The following ZNF580 variants were observed in gnomAD, a reference collection of about 807,000 sequenced individuals.
ZNF580 encodes the protein zinc finger protein 580.
Under a neutral mutation model 1.3 loss-of-function variants are expected in ZNF580, and 1 was observed. The ratio of observed to expected loss-of-function variants is 0.77; its 90% CI spans 0.27 to 3.65. The LOEUF (loss-of-function observed/expected upper bound fraction) is 3.65. ZNF580 is among the 30% of genes most tolerant of loss of function. ZNF580 has a pLI of 0.19. For missense variants in ZNF580, 268 were observed against 272.3 expected, an observed-to-expected ratio of 0.98 and a Z score of 0.11; for synonymous variants, 135 against 128.8, an observed-to-expected ratio of 1.05 and a Z score of -0.32.
In ZNF580 at chr19:55,642,860, A is replaced by G; in HGVS notation, c.352A>G (p.Lys118Glu). 1 of 1,571,558 alleles carries G rather than the reference A, an allele frequency of 6.4e-7. No individual in the cohort carries two copies. The highest frequency in any genetic ancestry group is 8.6e-7 in the Non-Finnish European group (1 of 1,167,550). ...QSHRVSHSDL[K>E]PFTCGACGKA... is the part of the protein sequence containing the mutation. Reference sequence around the variant, plus strand: ...CCACCGCGTGTCGCACTCGGACCTCAAGCCCTTCACGTGCGGCGCCTGCGG... The same window carrying G: ...CCACCGCGTGTCGCACTCGGACCTCGAGCCCTTCACGTGCGGCGCCTGCGG... Residue 118 changes from lysine (K) to glutamate (E), a missense_variant, in exon 2 of 2, where the codon AAG becomes GAG. Physicochemically the swap from Lys to Glu is moderately conservative, Grantham distance 56. Around this residue, in one of 2 missense-constraint regions of ZNF580, gnomAD observed 225 missense variants for 201.7 expected, o/e 1.12. Transcript: ENST00000325333.
At position 55,642,723 on chromosome 19, in the gene ZNF580, A is replaced by G; in HGVS notation, c.215A>G (p.Glu72Gly). ...PYTYTVQLEE[E>G]PRGPPQREAP... ...ACATACACGGTGCAGCTGGAGGAGG[A>G]GCCCCGGGGCCCGCCCCAGCGCGAG... is the stretch of plus-strand genomic sequence containing the variant. Residue 72 changes from glutamate (E) to glycine (G), a missense_variant, in exon 2 of 2, where the codon GAG (glutamate) becomes GGG (glycine). Transcript: ENST00000325333. 2 of 1,508,300 alleles carry G rather than the reference A, an allele frequency of 1.3e-6. No individual in the cohort carries two copies. The highest frequency in any genetic ancestry group is 1.2e-5 in the South Asian group (1 of 80,692). 93.4% of individuals were successfully genotyped at this position (1,508,300 alleles called of 1,614,324 possible). A position where few individuals can be genotyped will look rare whatever the true frequency, so the allele number is the denominator to read the frequency against.
intron 1 of ZNF580, chr19:55,641,959 A>G (rs1029008060): frequency 5.5e-5 from 43 of 781,828 alleles, no homozygotes; most frequent in Non-Finnish European, 6.4e-5. Context: ...GAATATGAAG[A>G]TGGGGAGGCC....
rs1170870529 is a variant in ZNF580 at position 55,641,371 on chromosome 19, C to T, written c.-13+188C>T. 3.3e-5 allele frequency among the ~76,000 whole-genome samples: 5 copies of T among 152,144 alleles called. No homozygotes were observed. The South Asian group carries it at 8.3e-4, about 25-fold the overall frequency. On this transcript the variant is annotated intron_variant, in intron 1 of 1. Coordinates refer to ENST00000325333, the MANE Select transcript of ZNF580 (RefSeq NM_207115.2). ...GGGAAGTGAAGGCAATAGGAGGGGC[C>T]CCAGGGCCAGGGGACAGGCGGTGTG... is the stretch of plus-strand genomic sequence containing the variant.
Position 55,641,039 on chromosome 19 carries a change from C to A in ZNF580, c.-157C>A. On this transcript the variant is annotated 5_prime_UTR_variant, in exon 1 of 2. Transcript: ENST00000325333. Reference sequence around the variant, plus strand: ...GGACTCCGCCAACCCCTCGCACCCCCGCGCCCCCAGTCCCCGCGTCCCCGG... The same window carrying A: ...GGACTCCGCCAACCCCTCGCACCCCAGCGCCCCCAGTCCCCGCGTCCCCGG... 1.0e-6 allele frequency: 1 copy of A among 985,162 alleles called. No individual in the cohort carries two copies. Among genetic ancestry groups the A allele is most frequent in the Non-Finnish European group, 1.2e-6 (1 of 829,746 alleles). 61.0% of individuals were successfully genotyped at this position (985,162 alleles called of 1,614,324 possible). A position where few individuals can be genotyped will look rare whatever the true frequency, so the allele number is the denominator to read the frequency against.
chr19:55,643,055 C>G lies in ZNF580; in HGVS notation c.*28C>G, dbSNP rs963058314. On this transcript the variant is annotated 3_prime_UTR_variant, in exon 2 of 2. Transcript: ENST00000325333. ...TCGAGACCCGGCCTGTGCTGCCCTG[C>G]CCGTCTCAGGGCCACCAAGTCTGAC... 2.2e-6 allele frequency: 3 copies of G among 1,343,420 alleles called. No individual in the cohort carries two copies. The highest frequency in any genetic ancestry group is 2.9e-6 in the Non-Finnish European group (3 of 1,045,460). 83.2% of individuals were successfully genotyped at this position (1,343,420 alleles called of 1,614,324 possible).
Position 55,642,817 on chromosome 19 carries a change from C to T in ZNF580, c.309C>T (p.Ser103=). ...SCPECARVFA[S]PLRLQSHRVS... is the part of the protein sequence containing the mutation. ...CGGAGTGCGCCCGTGTCTTTGCCAG[C>T]CCTCTGCGGCTGCAGAGCCACCGCG... is the stretch of plus-strand genomic sequence containing the variant. The change falls in exon 2 of 2, where the codon AGC becomes AGT. Residue 103 remains serine (S), a synonymous_variant. Transcript: ENST00000325333. 6.4e-7 allele frequency: 1 copy of T among 1,573,336 alleles called. No homozygotes were observed. The highest frequency in any genetic ancestry group is 8.6e-7 in the Non-Finnish European group (1 of 1,167,804).
chr19:55,643,423 T>G lies in ZNF580; in HGVS notation c.*396T>G. The G allele has an allele frequency of 4.8e-6, 1 of 209,048 alleles. No homozygotes were observed. Among genetic ancestry groups the G allele is most frequent in the Non-Finnish European group, 1.0e-5 (1 of 95,952 alleles). 12.9% of individuals were successfully genotyped at this position (209,048 alleles called of 1,614,324 possible). On this transcript the variant is annotated 3_prime_UTR_variant, in exon 2 of 2. Transcript: ENST00000325333. ...TGGTTCATTTCTGTATCTACCCCCC[T>G]TCCGCCCACGCCCCCGACCCTTTGC...
In ZNF580 at chr19:55,642,692, C is replaced by T. The variant is rs1982595028; in HGVS notation, c.184C>T (p.Pro62Ser). ...CCTCCTCATCGACGCCAATGGGGTC[C>T]CCTACACATACACGGTGCAGCTGGA... ...RHLLIDANGV[P>S]YTYTVQLEEE... Residue 62 changes from proline (P) to serine (S), a missense_variant, in exon 2 of 2, where the codon CCC (proline) becomes TCC (serine). By Grantham distance (74) the Pro-to-Ser change is moderately conservative (BLOSUM62 -1). Around this residue, in one of 2 missense-constraint regions of ZNF580, gnomAD observed 225 missense variants for 201.7 expected, o/e 1.12. Coordinates refer to ENST00000325333, the MANE Select transcript of ZNF580 (RefSeq NM_207115.2). 3.4e-6 allele frequency: 5 copies of T among 1,474,516 alleles called. No individual in the cohort carries two copies. Among genetic ancestry groups the T allele is most frequent in the South Asian group, 1.3e-5 (1 of 76,570 alleles). 91.3% of individuals were successfully genotyped at this position (1,474,516 alleles called of 1,614,324 possible).
Position 55,643,188 on chromosome 19 carries a change from T to C in ZNF580, c.*161T>C. Reference sequence around the variant, plus strand: ...TTCCAAAGGGAGGAGCATCATTCCTTCCTTACCCCCTTTCTAGCTGTGTGA... The same window carrying C: ...TTCCAAAGGGAGGAGCATCATTCCTCCCTTACCCCCTTTCTAGCTGTGTGA... On this transcript the variant is annotated 3_prime_UTR_variant, in exon 2 of 2. Coordinates refer to ENST00000325333, the MANE Select transcript of ZNF580 (RefSeq NM_207115.2). 1 of 1,180,696 alleles carries C rather than the reference T, an allele frequency of 8.5e-7. No homozygotes were observed. The highest frequency in any genetic ancestry group is 1.1e-6 in the Non-Finnish European group (1 of 919,560). 73.1% of individuals were successfully genotyped at this position (1,180,696 alleles called of 1,614,324 possible).
intron 1 of ZNF580, 182 bp from the exon 2 acceptor site, chr19:55,642,315 C>T: frequency 1.6e-6 from 2 of 1,260,610 alleles, no homozygotes; most frequent in Non-Finnish European, 2.0e-6. Context: ...GAGGCCCTCT[C>T]CGAGGCAGCT....
In ZNF580 at chr19:55,643,275, C is replaced by A; in HGVS notation, c.*248C>A. On this transcript the variant is annotated 3_prime_UTR_variant, in exon 2 of 2. Transcript: ENST00000325333. ...AACCAGTCGGAACTGGGTTCCAGTC[C>A]AGCTGTGCTGTGTGAGCCTGTGCAA... 2.0e-6 allele frequency: 1 copy of A among 491,702 alleles called. No homozygotes were observed. The highest frequency in any genetic ancestry group is 3.4e-6 in the Non-Finnish European group (1 of 297,726). The allele number at this position is 491,702 out of a possible 1,614,324, so 30.5% of individuals were successfully genotyped here.
In ZNF580 at chr19:55,642,214, G is replaced by T. The variant is rs78480593; in HGVS notation, c.-12-283G>T. 2.1e-4 allele frequency: 245 copies of T among 1,177,658 alleles called. 3 individuals are homozygous for T. The East Asian group carries it at 8.4e-3, about 41-fold the overall frequency. 73.0% of individuals were successfully genotyped at this position (1,177,658 alleles called of 1,614,324 possible). A position where few individuals can be genotyped will look rare whatever the true frequency, so the allele number is the denominator to read the frequency against. Reference sequence around the variant, plus strand: ...GAGAGGAGAAAAGGGAAGAAAAGTCGGGGGACTACGTCCTCAGACCTGACC... The same window carrying T: ...GAGAGGAGAAAAGGGAAGAAAAGTCTGGGGACTACGTCCTCAGACCTGACC... On this transcript the variant is annotated intron_variant, in intron 1 of 1. Transcript: ENST00000325333.
chr19:55,641,423 G>A (rs556677646), intron 1 of ZNF580, among the ~76,000 whole-genome samples: 11 of 152,234 alleles, frequency 7.2e-5, no homozygotes, highest in Non-Finnish European at 1.6e-4. Context: ...AAAACGCCCG[G>A]GCGCTGGGGT....
chr19:55,642,485 C>T lies in ZNF580; in HGVS notation c.-12-12C>T, dbSNP rs1396061057. On this transcript the variant is annotated splice_polypyrimidine_tract_variant and intron_variant, in intron 1 of 1. Coordinates refer to ENST00000325333, the MANE Select transcript of ZNF580 (RefSeq NM_207115.2). ...TGGCAATTTTAACTAATCTCCCCTC[C>T]GCCGCTCCCAGCTGCCGCTCCAGAT... 3 of 1,423,938 alleles carry T rather than the reference C, an allele frequency of 2.1e-6. No homozygotes were observed. Among genetic ancestry groups the T allele is most frequent in the South Asian group, 3.3e-5 (2 of 60,788 alleles). The allele number at this position is 1,423,938 out of a possible 1,614,324, so 88.2% of individuals were successfully genotyped here.
Position 55,642,759 on chromosome 19 carries a change from G to A in ZNF580, c.251G>A (p.Gly84Glu). 6.5e-7 allele frequency: 1 copy of A among 1,541,216 alleles called. No homozygotes were observed. Among genetic ancestry groups the A allele is most frequent in the East Asian group, 2.5e-5 (1 of 40,710 alleles). Residue 84 changes from glycine to glutamate, a missense_variant, in exon 2 of 2, where the codon GGA becomes GAA. Gly to Glu is a moderately conservative substitution (Grantham distance 98). This residue lies in a region of ZNF580 where 225 missense variants were observed against 201.7 expected (regional missense o/e 1.12). Coordinates refer to ENST00000325333, the MANE Select transcript of ZNF580 (RefSeq NM_207115.2). ...RGPPQREAPP[G>E]EPGPRKGYSC... ...CCGCCCCAGCGCGAGGCGCCCCCAG[G>A]AGAGCCCGGCCCTCGCAAGGGCTAC...
Position 55,642,222 on chromosome 19 carries a change from A to G in ZNF580, c.-12-275A>G, listed in dbSNP as rs1014598832. The G allele has an allele frequency of 6.8e-6, 8 of 1,184,848 alleles. No homozygotes were observed. In the East Asian group the frequency reaches 2.2e-4, roughly 33 times the overall value. The allele number at this position is 1,184,848 out of a possible 1,614,324, so 73.4% of individuals were successfully genotyped here. On this transcript the variant is annotated intron_variant, in intron 1 of 1. Coordinates refer to ENST00000325333, the MANE Select transcript of ZNF580 (RefSeq NM_207115.2). ...AAAAGGGAAGAAAAGTCGGGGGACT[A>G]CGTCCTCAGACCTGACCTGAGTGGT... is the stretch of plus-strand genomic sequence containing the variant.
In ZNF580 at chr19:55,643,109, A is replaced by C. The variant is rs1216193718; in HGVS notation, c.*82A>C. On this transcript the variant is annotated 3_prime_UTR_variant, in exon 2 of 2. Coordinates refer to ENST00000325333, the MANE Select transcript of ZNF580 (RefSeq NM_207115.2). ...CACAGCGTCACTCACTCCCACACAC[A>C]CCCCCTGGCTCTGCTGAGGTTACTG... 9.2e-6 allele frequency: 12 copies of C among 1,298,772 alleles called. No individual in the cohort carries two copies. Among genetic ancestry groups the C allele is most frequent in the South Asian group, 7.8e-5 (3 of 38,492 alleles). The allele number at this position is 1,298,772 out of a possible 1,614,324, so 80.5% of individuals were successfully genotyped here.
In ZNF580 at chr19:55,643,039, G is replaced by A; in HGVS notation, c.*12G>A. On this transcript the variant is annotated 3_prime_UTR_variant, in exon 2 of 2. Transcript: ENST00000325333. Reference sequence around the variant, plus strand: ...TGCGCCTCCACTAAGCTCGAGACCCGGCCTGTGCTGCCCTGCCCGTCTCAG... The same window carrying A: ...TGCGCCTCCACTAAGCTCGAGACCCAGCCTGTGCTGCCCTGCCCGTCTCAG... The A allele has an allele frequency of 7.4e-7, 1 of 1,356,192 alleles. No individual in the cohort carries two copies. Among genetic ancestry groups the A allele is most frequent in the Non-Finnish European group, 9.5e-7 (1 of 1,053,078 alleles). 84.0% of individuals were successfully genotyped at this position (1,356,192 alleles called of 1,614,324 possible). A position where few individuals can be genotyped will look rare whatever the true frequency, so the allele number is the denominator to read the frequency against.
At chr19:55,641,261 A>C in intron 1 of ZNF580, 78 bp downstream of exon 1, 6 of 917,016 alleles carry the variant, frequency 6.5e-6, no homozygotes, top group Non-Finnish European at 7.8e-6. Flanking sequence ...AGTGCGCTGG[A>C]GCCACCCGGG....
Sources: allele counts gnomAD v4.1 joint callset (sites outside exome capture counted in the v4.1 genomes callset), GRCh38; gene constraint gnomAD v4.1.1; regional missense constraint gnomAD v4.1.1; transcripts MANE v1.5; gene names NCBI Gene and HGNC (gene_info 2026-07-23, HGNC 2026-07-21).